FGF12: variants seen among roughly 807,000 people sequenced by gnomAD.
The protein encoded by FGF12 is fibroblast growth factor 12B.
A neutral mutation model predicts 23.6 loss-of-function variants in FGF12; 14 were observed. That is an observed-to-expected ratio of 0.59 (90% CI 0.39 to 0.93). FGF12 has a LOEUF of 0.93. Among genes scored for constraint, FGF12 ranks in the 40% least tolerant of loss-of-function variants. The pLI is 0.00. For missense variants in FGF12, 175 were observed against 217.8 expected (o/e 0.80, Z 1.24); for synonymous variants, 62 against 77.3 (o/e 0.80, Z 1.04).
chr3:192,182,714 A>G (rs2108635914), intron 4 of FGF12, among the ~76,000 whole-genome samples: 1 of 152,250 alleles, frequency 6.6e-6, no homozygotes, highest in East Asian at 1.9e-4. Flanking sequence ...TACTCGCTTC[A>G]TTTTTCAGTA....
At chr3:192,700,305 G>T (rs930951185) in intron 2 of FGF12, among the ~76,000 whole-genome samples, 1 of 151,948 alleles carries the variant, frequency 6.6e-6, no homozygotes, top group Non-Finnish European at 1.5e-5. Context: ...AGAAAATTGG[G>T]CTTTTCTTAG....
intron 4 of FGF12, among the ~76,000 whole-genome samples, chr3:192,319,901 C>A (rs1365977466): frequency 6.6e-6 from 1 of 151,840 alleles, no homozygotes; most frequent in Non-Finnish European, 1.5e-5. Flanking sequence ...AAAATCACCT[C>A]CACTAAAAGA....
chr3:192,415,152 G>C (rs984486085), intron 2 of FGF12, among the ~76,000 whole-genome samples: 3 of 152,098 alleles, frequency 2.0e-5, no homozygotes, highest in African/African-American at 7.2e-5. Flanking sequence ...CCACCTAGGA[G>C]ATGGTTGATA....
At chr3:192,531,309 T>C (rs1725083775) in intron 2 of FGF12, among the ~76,000 whole-genome samples, 1 of 152,248 alleles carries the variant, frequency 6.6e-6, no homozygotes, top group East Asian at 1.9e-4. Flanking sequence ...AGCTACACAT[T>C]GCTGAGTTCA....
intron 5 of FGF12, among the ~76,000 whole-genome samples, chr3:192,158,414 T>TCCTTTCTTTCTCTCA: frequency 2.2e-4 from 1 of 4,590 alleles, no homozygotes; most frequent in African/African-American, 2.1e-3. Flanking sequence ...TTTCTTTCTT[T>TCCTTTCTTTCTCTCA]CTCTTTCTTT....
intron 2 of FGF12, among the ~76,000 whole-genome samples, chr3:192,645,626 G>A (rs542411619): frequency 6.6e-6 from 1 of 152,112 alleles, no homozygotes; most frequent in Admixed American, 6.5e-5. Flanking sequence ...GATATGTCTA[G>A]GGGAGAGATT....
chr3:192,273,618 A>T (rs1713588939), intron 4 of FGF12, among the ~76,000 whole-genome samples: 1 of 152,162 alleles, frequency 6.6e-6, no homozygotes, highest in Non-Finnish European at 1.5e-5. Flanking sequence ...CAAGGTGGTA[A>T]ATATTCTTCC....
At chr3:192,260,772 G>A (rs954642055) in intron 4 of FGF12, among the ~76,000 whole-genome samples, 4 of 152,138 alleles carry the variant, frequency 2.6e-5, no homozygotes, top group African/African-American at 9.7e-5. Flanking sequence ...GAAAGACACA[G>A]AGGACAGGGG....
intron 2 of FGF12, among the ~76,000 whole-genome samples, chr3:192,675,025 A>G (rs1717273089): frequency 6.6e-6 from 1 of 152,194 alleles, no homozygotes. Context: ...AATCCTATAA[A>G]TAGACTGGGC....
At chr3:192,285,957 C>T (rs970996864) in intron 4 of FGF12, among the ~76,000 whole-genome samples, 1 of 151,928 alleles carries the variant, frequency 6.6e-6, no homozygotes, top group Non-Finnish European at 1.5e-5. Flanking sequence ...CCTGACGAGA[C>T]TGCAGTTTAG....
intron 4 of FGF12, among the ~76,000 whole-genome samples, chr3:192,190,554 C>T (rs1435666093): frequency 7.0e-6 from 1 of 142,162 alleles, no homozygotes; most frequent in Non-Finnish European, 1.5e-5. Context: ...CGGCTCACTG[C>T]AAACTCCGCC....
intron 5 of FGF12, among the ~76,000 whole-genome samples, chr3:192,150,057 G>C (rs1479122783): frequency 1.0e-5 from 1 of 97,128 alleles, no homozygotes; most frequent in Non-Finnish European, 2.2e-5. Context: ...GCATTTCTCT[G>C]ATGGCCAGTG....
intron 2 of FGF12, among the ~76,000 whole-genome samples, chr3:192,423,298 T>C (rs1721591564): frequency 6.6e-6 from 1 of 152,194 alleles, no homozygotes; most frequent in South Asian, 2.1e-4. Flanking sequence ...GAAATTATAT[T>C]GGCATAAAAT....
At chr3:192,571,996 TA>T (rs911578060) in intron 2 of FGF12, among the ~76,000 whole-genome samples, 1 of 151,434 alleles carries the variant, frequency 6.6e-6, no homozygotes, top group African/African-American at 2.4e-5. Context: ...GCAATCCTCA[TA>T]CATCTCTGAC....
chr3:192,323,702 G>C (rs935656362), intron 4 of FGF12, among the ~76,000 whole-genome samples: 1 of 152,154 alleles, frequency 6.6e-6, no homozygotes, highest in Non-Finnish European at 1.5e-5. Flanking sequence ...GAGTATAATT[G>C]AATTGTTTGT....
Position 192,506,382 on chromosome 3 carries a change from T to C in FGF12, c.14-145844A>G, listed in dbSNP as rs1724295975. On this transcript the variant is annotated intron_variant, in intron 2 of 5. Transcript: ENST00000445105. ...TTTTTGTTTTGTTCGTTTTGTTTTT[T>C]TGTTTTGAGACGAAGTCTCCCTTTG... Among the ~76,000 whole-genome samples, 3 of 152,272 alleles carry C rather than the reference T, an allele frequency of 2.0e-5. 1 individual carries two copies. The South Asian group carries it at 6.2e-4, about 31-fold the overall frequency.
chr3:192,240,177 C>T (rs574092693), intron 4 of FGF12, among the ~76,000 whole-genome samples: 1 of 152,264 alleles, frequency 6.6e-6, no homozygotes, highest in East Asian at 1.9e-4. Flanking sequence ...ATTCATGCTT[C>T]ATTTTTCCAT....
rs543220460 is a variant in FGF12, at chr3:192,423,712, G to C, written c.14-63174C>G. ...GTAGCTTAAGCAGAAACACAGCCTA[G>C]GCCTCCTGATTCTACGATCAGTGGT... On this transcript the variant is annotated intron_variant, in intron 2 of 5. Coordinates refer to ENST00000445105, the MANE Select transcript of FGF12 (RefSeq NM_004113.6). Among the ~76,000 whole-genome samples the C allele has an allele frequency of 5.9e-5, 9 of 152,174 alleles. No individual in the cohort carries two copies. The South Asian group carries it at 1.5e-3, about 25-fold the overall frequency.
chr3:192,169,735 G>A (rs1424775564), intron 5 of FGF12, among the ~76,000 whole-genome samples: 2 of 151,604 alleles, frequency 1.3e-5, no homozygotes, highest in East Asian at 3.9e-4. Context: ...AGAAAGCTTG[G>A]CTGAATTCAG....
Sources: allele counts gnomAD v4.1 joint callset (sites outside exome capture counted in the v4.1 genomes callset), GRCh38; gene constraint gnomAD v4.1.1; transcripts MANE v1.5; gene names NCBI Gene and HGNC (gene_info 2026-07-23, HGNC 2026-07-21).